The following JPH3 variants were observed in gnomAD, a reference collection of about 807,000 sequenced individuals.
JPH3 encodes the protein junctophilin 3, also known as junctophilin-3.
In JPH3, 11 loss-of-function variants were observed where a neutral mutation model predicts 59.6. The ratio of observed to expected loss-of-function variants is 0.18; its 90% CI spans 0.12 to 0.31. The LOEUF (loss-of-function observed/expected upper bound fraction) is 0.31. Ranked by LOEUF, JPH3 falls within the 10% of genes least tolerant of loss-of-function variation. The pLI, the probability that JPH3 is intolerant of heterozygous loss-of-function variation, is 1.00. For synonymous variants in JPH3, 673 were observed against 483.6 expected, an observed-to-expected ratio of 1.39 and a Z score of -5.14; for missense variants, 1,202 against 1,105.7, an observed-to-expected ratio of 1.09 and a Z score of -1.24.
intron 1 of JPH3, among the ~76,000 whole-genome samples, chr16:87,612,748 G>T (rs1003921352): frequency 6.6e-6 from 1 of 152,182 alleles, no homozygotes; most frequent in African/African-American, 2.4e-5. Flanking sequence ...GGGCGTGGTG[G>T]CTCATGCCTG....
At chr16:87,650,125 G>T (rs892230891) in intron 2 of JPH3, among the ~76,000 whole-genome samples, 2 of 152,218 alleles carry the variant, frequency 1.3e-5, no homozygotes, top group Non-Finnish European at 2.9e-5. Flanking sequence ...ACCCGTGCAT[G>T]GGGCAAGCCT....
chr16:87,662,242 G>C (rs2032728049), intron 2 of JPH3, among the ~76,000 whole-genome samples: 1 of 152,150 alleles, frequency 6.6e-6, no homozygotes, highest in Non-Finnish European at 1.5e-5. Flanking sequence ...ACGCTGCCGA[G>C]ATAGCAGCCC....
At chr16:87,613,095 C>CTTTTT (rs1190988631) in intron 1 of JPH3, among the ~76,000 whole-genome samples, 2 of 128,728 alleles carry the variant, frequency 1.6e-5, no homozygotes, top group East Asian at 2.2e-4. Context: ...CTTTCTTTCT[C>CTTTTT]TTTTTTTTTT....
At chr16:87,680,599 G>C (rs1228454492) in intron 2 of JPH3, among the ~76,000 whole-genome samples, 1 of 152,254 alleles carries the variant, frequency 6.6e-6, no homozygotes, top group Non-Finnish European at 1.5e-5. Context: ...CCATGGTGCA[G>C]GGGTGGGGGG....
At chr16:87,638,852 C>A (rs1484079788) in intron 1 of JPH3, among the ~76,000 whole-genome samples, 1 of 152,154 alleles carries the variant, frequency 6.6e-6, no homozygotes, top group Non-Finnish European at 1.5e-5. Context: ...CTGGCGTCAC[C>A]CTCTATCCAA....
intron 1 of JPH3, among the ~76,000 whole-genome samples, chr16:87,608,203 G>T (rs1352648308): frequency 1.3e-5 from 2 of 152,222 alleles, no homozygotes; most frequent in Non-Finnish European, 2.9e-5. Context: ...GCCGGAGAGA[G>T]CAAGAAGGGG....
chr16:87,606,049 G>T (rs1405803366), intron 1 of JPH3, among the ~76,000 whole-genome samples: 2 of 152,330 alleles, frequency 1.3e-5, no homozygotes, highest in South Asian at 2.1e-4. Flanking sequence ...TGTTGGGAAG[G>T]GGGTGATTAT....
chr16:87,616,261 T>A (rs1437299183), intron 1 of JPH3, among the ~76,000 whole-genome samples: 2 of 141,166 alleles, frequency 1.4e-5, no homozygotes, highest in Admixed American at 7.2e-5. Flanking sequence ...TGAGACAGAG[T>A]CTTGTTCTAT....
At chr16:87,642,937 C>G (rs1335996562) in intron 1 of JPH3, among the ~76,000 whole-genome samples, 1 of 152,194 alleles carries the variant, frequency 6.6e-6, no homozygotes, top group Non-Finnish European at 1.5e-5. Flanking sequence ...TTTAAGTATA[C>G]AATTCAGTGG....
chr16:87,636,918 A>C (rs920872313), intron 1 of JPH3, among the ~76,000 whole-genome samples: 2 of 152,142 alleles, frequency 1.3e-5, no homozygotes, highest in African/African-American at 2.4e-5. Flanking sequence ...TAGTACGCGC[A>C]GCGCAGTGGG....
chr16:87,608,075 C>T (rs1206181350), intron 1 of JPH3, among the ~76,000 whole-genome samples: 6 of 152,148 alleles, frequency 3.9e-5, no homozygotes, highest in Non-Finnish European at 7.4e-5. Context: ...ATGAGCTGGC[C>T]GGGGAGTGAG....
intron 2 of JPH3, among the ~76,000 whole-genome samples, chr16:87,651,997 T>C (rs934505834): frequency 4.6e-5 from 7 of 152,004 alleles, no homozygotes; most frequent in Non-Finnish European, 8.8e-5. Context: ...TGTTTTGAGA[T>C]GGAGTCTCGC....
intron 2 of JPH3, among the ~76,000 whole-genome samples, chr16:87,678,658 C>A (rs1018355961): frequency 1.8e-4 from 28 of 152,176 alleles, no homozygotes; most frequent in African/African-American, 6.8e-4. Context: ...AACTCACTTC[C>A]AACTTCTTGG....
chr16:87,676,639 C>T (rs2033147463), intron 2 of JPH3, among the ~76,000 whole-genome samples: 1 of 151,544 alleles, frequency 6.6e-6, no homozygotes. Context: ...GTGCCTGAGG[C>T]AGCAGAATCC....
chr16:87,647,581 T>G (rs1409321885), intron 2 of JPH3, among the ~76,000 whole-genome samples: 2 of 152,046 alleles, frequency 1.3e-5, no homozygotes, highest in Non-Finnish European at 2.9e-5. Context: ...CGAGCGGGCG[T>G]CGCGGGGAGG....
At chr16:87,671,226 A>C (rs112891377) in intron 2 of JPH3, among the ~76,000 whole-genome samples, 1 of 152,098 alleles carries the variant, frequency 6.6e-6, no homozygotes, top group African/African-American at 2.4e-5. Context: ...GACTCCTAGC[A>C]TGCTCTCACC....
At chr16:87,675,180 C>T (rs542167001) in intron 2 of JPH3, among the ~76,000 whole-genome samples, 133 of 138,430 alleles carry the variant, frequency 9.6e-4, no homozygotes, top group Non-Finnish European at 1.8e-3. Flanking sequence ...AGCTTTCACC[C>T]CCCGCCCCTC....
intron 2 of JPH3, among the ~76,000 whole-genome samples, chr16:87,668,107 C>T (rs992414144): frequency 4.6e-5 from 7 of 152,204 alleles, no homozygotes; most frequent in Admixed American, 1.3e-4. Context: ...CGCCCGGCTC[C>T]GTGGGCCAAC....
chr16:87,649,736 C>T (rs1343354213), intron 2 of JPH3, among the ~76,000 whole-genome samples: 1 of 152,150 alleles, frequency 6.6e-6, no homozygotes, highest in Non-Finnish European at 1.5e-5. Context: ...TCCTTCCCGT[C>T]CCCCTCCCCA....
Sources: gnomAD v4.1 joint callset for allele counts (sites outside exome capture counted in the v4.1 genomes callset) on GRCh38, gnomAD v4.1.1 for gene constraint, MANE v1.5 for transcripts, NCBI Gene and HGNC (gene_info 2026-07-23, HGNC 2026-07-21) for gene names.